The following NRG1 variants were observed in gnomAD, a reference collection of about 807,000 sequenced individuals.
The protein encoded by NRG1 is pro-neuregulin-1, membrane-bound isoform.
A neutral mutation model predicts 63.8 loss-of-function variants in NRG1; 18 were observed. The ratio of observed to expected loss-of-function variants is 0.28; its 90% CI spans 0.19 to 0.42. The LOEUF is 0.42. NRG1 is among the 10% of genes least tolerant of loss of function. The pLI is 1.00. For synonymous variants in NRG1, 302 were observed against 301.3 expected, an observed-to-expected ratio of 1.00 and a Z score of -0.02; for missense variants, 762 against 814.7, an observed-to-expected ratio of 0.94 and a Z score of 0.79.
intron 5 of NRG1, among the ~76,000 whole-genome samples, chr8:32,630,833 G>A (rs10103255): frequency 2.0e-5 from 3 of 151,216 alleles, no homozygotes; most frequent in Admixed American, 6.6e-5. Flanking sequence ...ACTGACTGAC[G>A]ATAATTAAAC....
At chr8:31,831,628 ATTT>A (rs1825173583) in intron 1 of NRG1, among the ~76,000 whole-genome samples, 1 of 152,160 alleles carries the variant, frequency 6.6e-6, no homozygotes, top group Non-Finnish European at 1.5e-5. Context: ...GACAGGGTCA[ATTT>A]TGGGTATTCT....
intron 1 of NRG1, among the ~76,000 whole-genome samples, chr8:32,360,186 C>A (rs1346511711): frequency 6.6e-6 from 1 of 152,142 alleles, no homozygotes; most frequent in African/African-American, 2.4e-5. Context: ...TTTCCAGGGG[C>A]CAAACCTGTA....
chr8:32,373,432 A>C (rs1220247113), intron 1 of NRG1, among the ~76,000 whole-genome samples: 1 of 152,116 alleles, frequency 6.6e-6, no homozygotes, highest in Non-Finnish European at 1.5e-5. Flanking sequence ...AAGACTCAAA[A>C]ATAATTTTTT....
intron 1 of NRG1, among the ~76,000 whole-genome samples, chr8:32,542,889 G>A (rs139430028): frequency 1.3e-5 from 2 of 152,300 alleles, no homozygotes; most frequent in African/African-American, 4.8e-5. Context: ...GATTGGGGTG[G>A]TACTTAGTGA....
intron 1 of NRG1, among the ~76,000 whole-genome samples, chr8:31,703,972 G>C (rs2131206224): frequency 6.6e-6 from 1 of 152,286 alleles, no homozygotes; most frequent in Admixed American, 6.5e-5. Context: ...TGTAAGATGT[G>C]CTAGCATTCT....
At chr8:32,293,712 C>T (rs1459859524) in intron 1 of NRG1, among the ~76,000 whole-genome samples, 34 of 123,164 alleles carry the variant, frequency 2.8e-4, no homozygotes, top group Admixed American at 7.1e-4. Context: ...TTTTTCTTTT[C>T]TTCTTCTTTT....
At chr8:32,455,207 C>A (rs376858525) in intron 1 of NRG1, among the ~76,000 whole-genome samples, 1 of 152,192 alleles carries the variant, frequency 6.6e-6, no homozygotes, top group Non-Finnish European at 1.5e-5. Context: ...ACCCATATAG[C>A]ATCATTGGCC....
chr8:32,442,969 AC>A (rs1819743728), intron 1 of NRG1, among the ~76,000 whole-genome samples: 1 of 151,522 alleles, frequency 6.6e-6, no homozygotes, highest in Non-Finnish European at 1.5e-5. Flanking sequence ...TTGCTCTATC[AC>A]CCAGGCTGGA....
At chr8:32,335,348 C>T (rs1199242593) in intron 1 of NRG1, among the ~76,000 whole-genome samples, 2 of 152,084 alleles carry the variant, frequency 1.3e-5, no homozygotes, top group Admixed American at 1.3e-4. Flanking sequence ...TTCCAGAAAA[C>T]AATTGTGATT....
intron 1 of NRG1, among the ~76,000 whole-genome samples, chr8:32,144,825 G>A (rs1021088288): frequency 6.6e-6 from 1 of 152,120 alleles, no homozygotes; most frequent in African/African-American, 2.4e-5. Flanking sequence ...ACTGGATCCT[G>A]GGTTGCCTGT....
intron 1 of NRG1, among the ~76,000 whole-genome samples, chr8:32,153,852 T>C (rs767461627): frequency 2.0e-5 from 3 of 152,132 alleles, no homozygotes; most frequent in African/African-American, 4.8e-5. Flanking sequence ...CAAAAAACCA[T>C]TGGTGGTCTG....
intron 1 of NRG1, among the ~76,000 whole-genome samples, chr8:32,511,937 A>C (rs1043703203): frequency 2.0e-5 from 3 of 152,138 alleles, no homozygotes; most frequent in African/African-American, 4.8e-5. Context: ...CCAGTGGGGT[A>C]GAATTAAGGC....
At chr8:32,477,117 A>C (rs1587869134) in intron 1 of NRG1, among the ~76,000 whole-genome samples, 1 of 152,198 alleles carries the variant, frequency 6.6e-6, no homozygotes, top group African/African-American at 2.4e-5. Context: ...ATTGAGTTAA[A>C]TATTCATTCC....
intron 1 of NRG1, among the ~76,000 whole-genome samples, chr8:31,919,036 A>C (rs1296973983): frequency 6.6e-6 from 1 of 152,052 alleles, no homozygotes; most frequent in Non-Finnish European, 1.5e-5. Context: ...TTTCTGTGGG[A>C]TCAGTGGTGA....
intron 1 of NRG1, among the ~76,000 whole-genome samples, chr8:32,281,808 C>A (rs532234356): frequency 6.6e-6 from 1 of 151,882 alleles, no homozygotes; most frequent in East Asian, 1.9e-4. Flanking sequence ...TAGTGAGACC[C>A]CCCCCATCTC....
intron 1 of NRG1, among the ~76,000 whole-genome samples, chr8:32,239,365 A>G (rs1472628411): frequency 6.6e-6 from 1 of 152,084 alleles, no homozygotes; most frequent in African/African-American, 2.4e-5. Flanking sequence ...CTTATACAGA[A>G]ATTAACTCAA....
At chr8:32,460,849 A>G (rs1255083251) in intron 1 of NRG1, among the ~76,000 whole-genome samples, 1 of 152,218 alleles carries the variant, frequency 6.6e-6, no homozygotes, top group Non-Finnish European at 1.5e-5. Flanking sequence ...TAAGAAATAA[A>G]GAAAAGCCAA....
intron 1 of NRG1, among the ~76,000 whole-genome samples, chr8:32,042,002 T>A (rs1337978563): frequency 6.6e-6 from 1 of 152,210 alleles, no homozygotes; most frequent in Non-Finnish European, 1.5e-5. Flanking sequence ...ACATACAGGA[T>A]ATATCTGAAT....
chr8:32,715,013 G>A (rs1818828821), intron 5 of NRG1, among the ~76,000 whole-genome samples: 1 of 152,082 alleles, frequency 6.6e-6, no homozygotes, highest in Non-Finnish European at 1.5e-5. Flanking sequence ...TTGCTCTGTT[G>A]CCCAGGCTGG....
Sources: allele counts gnomAD v4.1 joint callset (sites outside exome capture counted in the v4.1 genomes callset), GRCh38; gene constraint gnomAD v4.1.1; transcripts MANE v1.5; gene names NCBI Gene and HGNC (gene_info 2026-07-23, HGNC 2026-07-21).